OMD: variants seen among roughly 807,000 people sequenced by gnomAD.
OMD encodes the protein KSPG osteomodulin.
In OMD, 19 loss-of-function variants were observed where a neutral mutation model predicts 31.2. The ratio of observed to expected loss-of-function variants is 0.61; its 90% CI spans 0.42 to 0.89. The LOEUF (loss-of-function observed/expected upper bound fraction) is 0.89, where lower values mean the gene tolerates loss of function less well. OMD is among the 40% of genes least tolerant of loss of function. OMD has a pLI of 0.00. For missense variants in OMD, 448 were observed against 490.8 expected (o/e 0.91, Z 0.82); for synonymous variants, 155 against 166.4 (o/e 0.93, Z 0.53).
Position 92,415,174 on chromosome 9 carries a change from T to C in OMD, c.1244A>G (p.His415Arg). Residue 415 changes from histidine to arginine, a missense_variant, in exon 3 of 3, where the codon CAT (histidine) becomes CGT (arginine). By Grantham distance (29) the His-to-Arg change is conservative. Coordinates refer to ENST00000375550, the MANE Select transcript of OMD (RefSeq NM_005014.3). The part of the protein sequence containing the change: ...QEGAEGHFDL[H>R]YYENQE The stretch of plus-strand genomic sequence containing the variant: ...TTGCTATTCTTGATTTTCATAATAA[T>C]GAAGGTCAAAGTGCCCTTCTGCTCC... 3 of 1,607,680 alleles carry C rather than the reference T, an allele frequency of 1.9e-6. No homozygotes were observed. The highest frequency in any genetic ancestry group is 2.5e-6 in the Non-Finnish European group (3 of 1,178,226).
rs1204328065 is a variant in OMD at position 92,414,716 on chromosome 9, G to A, written c.*436C>T. 1 of 213,962 alleles carries A rather than the reference G, an allele frequency of 4.7e-6. No individual in the cohort carries two copies. Among genetic ancestry groups the A allele is most frequent in the African/African-American group, 2.3e-5 (1 of 44,306 alleles). The allele number at this position is 213,962 out of a possible 1,614,324, so 13.3% of individuals were successfully genotyped here. ...AAAATGGTCTATTCCTTAAATGAAT[G>A]CTTGTTACATTAATATACCTTCCTG... On this transcript the variant is annotated 3_prime_UTR_variant, in exon 3 of 3. Transcript: ENST00000375550.
Position 92,416,962 on chromosome 9 carries a change from A to G in OMD, c.597T>C (p.His199=), listed in dbSNP as rs1345499290. 2 of 1,614,026 alleles carry G rather than the reference A, an allele frequency of 1.2e-6. No homozygotes were observed. Among genetic ancestry groups the G allele is most frequent in the Middle Eastern group, 1.7e-4 (1 of 6,060 alleles). Residue 199 remains histidine, a synonymous_variant, in exon 2 of 3, where the codon CAT becomes CAC. Transcript: ENST00000375550. ...AGATTTTGTCTTTTAGCAGAGAATCATGAAGATAATTATAACAGAGATCAA... is the reference window on the plus strand; with the variant it reads ...AGATTTTGTCTTTTAGCAGAGAATCGTGAAGATAATTATAACAGAGATCAA... ...TMLDLCYNYL[H]DSLLKDKIFA...
At chr9:92,415,848 A>AT (rs1554760024) in intron 2 of OMD, among the ~76,000 whole-genome samples, 15 of 146,258 alleles carry the variant, frequency 1.0e-4, no homozygotes, top group South Asian at 4.2e-4. Flanking sequence ...TATATAAAAA[A>AT]ATATATATAT....
In OMD at chr9:92,416,074, ATTTATT is replaced by A. The variant is rs1843596650; in HGVS notation, c.940+539_940+544del. Among the ~76,000 whole-genome samples, 217 of 135,926 alleles carry A rather than the reference ATTTATT, an allele frequency of 1.6e-3. 9 individuals carry two copies. In the South Asian group the frequency reaches 0.046, roughly 29 times the overall value. 89.2% of individuals were successfully genotyped at this position (135,926 alleles called of 152,430 possible). A position where few individuals can be genotyped will look rare whatever the true frequency, so the allele number is the denominator to read the frequency against. Reference sequence around the variant, plus strand: ...TATATGTGTGTATATATATATATTTATTTATTTATTTATTTATTTATTTATTTTATT... The same window carrying A: ...TATATGTGTGTATATATATATATTTATATTTATTTATTTATTTATTTTATT... On this transcript the variant is annotated intron_variant, in intron 2 of 2. Transcript: ENST00000375550.
Position 92,415,393 on chromosome 9 carries a change from A to C in OMD, c.1025T>G (p.Leu342Arg), listed in dbSNP as rs1241911943. The C allele has an allele frequency of 6.2e-7, 1 of 1,613,584 alleles. No homozygotes were observed. Among genetic ancestry groups the C allele is most frequent in the Non-Finnish European group, 8.5e-7 (1 of 1,179,728 alleles). Residue 342 changes from leucine (L) to arginine (R), a missense_variant, in exon 3 of 3, where the codon CTA becomes CGA. Coordinates refer to ENST00000375550, the MANE Select transcript of OMD (RefSeq NM_005014.3). ...LTYIRVDQNK[L>R]KEPISSYIFF... ...GATGTATGAGCTTATTGGTTCTTTTAGTTTATTTTGGTCCACACGAATGTA... is the reference window on the plus strand; with the variant it reads ...GATGTATGAGCTTATTGGTTCTTTTCGTTTATTTTGGTCCACACGAATGTA...
chr9:92,413,117 C>T lies in OMD; in HGVS notation c.*2035G>A, dbSNP rs559587309. Among the ~76,000 whole-genome samples the T allele has an allele frequency of 8.7e-4, 131 of 150,756 alleles. No homozygotes were observed. The highest frequency in any genetic ancestry group is 2.9e-3 in the African/African-American group (119 of 41,066). On this transcript the variant is annotated 3_prime_UTR_variant, in exon 3 of 3. Coordinates refer to ENST00000375550, the MANE Select transcript of OMD (RefSeq NM_005014.3). ...CTCCTGCCTCAGCCTCGCAAGTAGC[C>T]GGGATTACAGGCATGTGCCACCATG...
rs551829810 is a variant in OMD at position 92,412,766 on chromosome 9, G to A, written c.*2386C>T. ...TGTGTATCCATTGATGGACATTTGC[G>A]TGGTTTCTACCTTTGGATATGGCTG... On this transcript the variant is annotated 3_prime_UTR_variant, in exon 3 of 3. Transcript: ENST00000375550. Among the ~76,000 whole-genome samples the A allele has an allele frequency of 1.6e-4, 25 of 152,210 alleles. No homozygotes were observed. Among genetic ancestry groups the A allele is most frequent in the Non-Finnish European group, 2.5e-4 (17 of 68,014 alleles).
At position 92,414,125 on chromosome 9, in the gene OMD, A is replaced by G. The variant is rs1843519785; in HGVS notation, c.*1027T>C. On this transcript the variant is annotated 3_prime_UTR_variant, in exon 3 of 3. Transcript: ENST00000375550. ...GGCACACTTACAATACTTAAAAATAATACATTAACGAAAAAGTGATTTTTA... is the reference window on the plus strand; with the variant it reads ...GGCACACTTACAATACTTAAAAATAGTACATTAACGAAAAAGTGATTTTTA... The G allele has an allele frequency of 6.0e-6, 1 of 166,486 alleles. No individual in the cohort carries two copies. Among genetic ancestry groups the G allele is most frequent in the Non-Finnish European group, 1.3e-5 (1 of 76,246 alleles). The allele number at this position is 166,486 out of a possible 1,614,324, so 10.3% of individuals were successfully genotyped here.
chr9:92,418,617 G>A (rs142748280), intron 1 of OMD, among the ~76,000 whole-genome samples: 2 of 152,074 alleles, frequency 1.3e-5, no homozygotes, highest in African/African-American at 2.4e-5. Context: ...TCACTGCCTG[G>A]GGGAGGAAAG....
rs1843500775 is a variant in OMD, at chr9:92,413,405, A to T, written c.*1747T>A. Among the ~76,000 whole-genome samples, 2 of 152,062 alleles carry T rather than the reference A, an allele frequency of 1.3e-5. No individual in the cohort carries two copies. Among genetic ancestry groups the T allele is most frequent in the African/African-American group, 2.4e-5 (1 of 41,394 alleles). On this transcript the variant is annotated 3_prime_UTR_variant, in exon 3 of 3. Coordinates refer to ENST00000375550, the MANE Select transcript of OMD (RefSeq NM_005014.3). Reference sequence around the variant, plus strand: ...TTTCCACATCTTGCCAACACTTGTTATTTGTCTGCCTTTTGATTTCAGCTA... The same window carrying T: ...TTTCCACATCTTGCCAACACTTGTTTTTTGTCTGCCTTTTGATTTCAGCTA...
At chr9:92,422,054 CTT>C (rs58510878) in intron 1 of OMD, among the ~76,000 whole-genome samples, 3 of 146,160 alleles carry the variant, frequency 2.1e-5, no homozygotes, top group Admixed American at 6.8e-5. Flanking sequence ...AACATATTAA[CTT>C]TTTTTTTTTT....
intron 1 of OMD, among the ~76,000 whole-genome samples, chr9:92,421,335 C>T (rs931329625): frequency 5.3e-5 from 8 of 152,174 alleles, no homozygotes; most frequent in Non-Finnish European, 7.3e-5. Flanking sequence ...CCACCACCCC[C>T]GGCCTTGGAG....
At chr9:92,416,103 ATTTT>A (rs1196539814) in intron 2 of OMD, among the ~76,000 whole-genome samples, 44 of 128,490 alleles carry the variant, frequency 3.4e-4, no homozygotes, top group African/African-American at 1.2e-3. Context: ...TATTTATTTT[ATTTT>A]TTTTTTTTTT....
At chr9:92,416,463 C>T (rs1338441838) in intron 2 of OMD, among the ~76,000 whole-genome samples, 156 bp downstream of exon 2, 1 of 152,188 alleles carries the variant, frequency 6.6e-6, no homozygotes, top group Non-Finnish European at 1.5e-5. Flanking sequence ...CTGAATAGCA[C>T]ACATTTCTCT....
rs1843520576 is a variant in OMD at position 92,414,153 on chromosome 9, GT to G, written c.*998del. ...CATTAACGAAAAAGTGATTTTTAAG[GT>G]TTTAAAGAAGATGTTAAAACCTGTC... On this transcript the variant is annotated 3_prime_UTR_variant, in exon 3 of 3. Coordinates refer to ENST00000375550, the MANE Select transcript of OMD (RefSeq NM_005014.3). 5.8e-6 allele frequency: 1 copy of G among 171,596 alleles called. No individual in the cohort carries two copies. Among genetic ancestry groups the G allele is most frequent in the African/African-American group, 2.4e-5 (1 of 42,042 alleles). 10.6% of individuals were successfully genotyped at this position (171,596 alleles called of 1,614,324 possible).
chr9:92,421,231 G>C (rs1843783095), intron 1 of OMD, among the ~76,000 whole-genome samples: 1 of 152,044 alleles, frequency 6.6e-6, no homozygotes, highest in African/African-American at 2.4e-5. Flanking sequence ...GTAAAGACAG[G>C]GTTTTGCCAT....
Position 92,424,381 on chromosome 9 carries a change from T to TC in OMD, c.-197dup, listed in dbSNP as rs1353615704. The TC allele has an allele frequency of 3.3e-5, 5 of 152,152 alleles. No individual in the cohort carries two copies. The highest frequency in any genetic ancestry group is 5.9e-5 in the Non-Finnish European group (4 of 68,024). The allele number at this position is 152,152 out of a possible 1,614,324, so 9.4% of individuals were successfully genotyped here. A position where few individuals can be genotyped will look rare whatever the true frequency, so the allele number is the denominator to read the frequency against. On this transcript the variant is annotated 5_prime_UTR_variant, in exon 1 of 3. Transcript: ENST00000375550. ...CAAATACAATCTTCTTGGAAAACAC[T>TC]CGGGTTGAATTAAAATTATGTATTT... is the stretch of plus-strand genomic sequence containing the variant.
Position 92,412,953 on chromosome 9 carries a change from C to T in OMD, c.*2199G>A, listed in dbSNP as rs980839166. 2.9e-5 allele frequency among the ~76,000 whole-genome samples: 4 copies of T among 139,100 alleles called. No individual in the cohort carries two copies. The highest frequency in any genetic ancestry group is 2.3e-4 in the South Asian group (1 of 4,324). 91.3% of individuals were successfully genotyped at this position (139,100 alleles called of 152,430 possible). A position where few individuals can be genotyped will look rare whatever the true frequency, so the allele number is the denominator to read the frequency against. ...TTGGGTATATAGTTAGGAATGGAAT[C>T]GCTGGGTTATATGTAACTAAGCTTT... On this transcript the variant is annotated 3_prime_UTR_variant, in exon 3 of 3. Coordinates refer to ENST00000375550, the MANE Select transcript of OMD (RefSeq NM_005014.3).
At position 92,415,136 on chromosome 9, in the gene OMD, C is replaced by G. The variant is rs1238201648; in HGVS notation, c.*16G>C. On this transcript the variant is annotated 3_prime_UTR_variant, in exon 3 of 3. Coordinates refer to ENST00000375550, the MANE Select transcript of OMD (RefSeq NM_005014.3). ...GGTTTTGTGAAGTCGTAAGTGTATA[C>G]CTATATAGTTTCTTGCTATTCTTGA... The G allele has an allele frequency of 8.2e-6, 13 of 1,584,100 alleles. No homozygotes were observed. The South Asian group carries it at 1.5e-4, about 19-fold the overall frequency.
Sources: allele counts gnomAD v4.1 joint callset (sites outside exome capture counted in the v4.1 genomes callset), GRCh38; gene constraint gnomAD v4.1.1; transcripts MANE v1.5; gene names NCBI Gene and HGNC (gene_info 2026-07-23, HGNC 2026-07-21).